The following SAMD11 variants were observed in gnomAD, a reference collection of about 807,000 sequenced individuals.
SAMD11 encodes the protein sterile alpha motif domain-containing protein 11.
Under a neutral mutation model 64.4 loss-of-function variants are expected in SAMD11, and 77 were observed. The ratio of observed to expected loss-of-function variants is 1.20; its 90% confidence interval spans 0.99 to 1.44. The LOEUF (loss-of-function observed/expected upper bound fraction) is 1.44. Ranked by LOEUF, SAMD11 falls within the 40% of genes most tolerant of loss-of-function variation. The pLI, the probability that SAMD11 is intolerant of heterozygous loss-of-function variation, is 0.00. For missense variants in SAMD11, 1,402 were observed against 943.3 expected (o/e 1.49, Z -6.37); for synonymous variants, 658 against 421.9 (o/e 1.56, Z -6.86).
In SAMD11 at chr1:943,987, C is replaced by A. The variant is rs369313181; in HGVS notation, c.2369C>A (p.Ala790Asp). Residue 790 changes from alanine (A) to aspartate (D), a missense_variant, in exon 14 of 14, where the codon GCC (alanine) becomes GAC (aspartate). Ala to Asp is a moderately radical substitution (Grantham distance 126). Transcript: ENST00000616016. ...CCACTGCAGCCACCAACCCTGCGGG[C>A]CCCGGAGCGAGAACTCGGCACAGGA... The part of the protein sequence containing the change: ...ALPLQPPTLR[A>D]PERELGTGEQ... 6 of 1,612,832 alleles carry A rather than the reference C, an allele frequency of 3.7e-6. No individual in the cohort carries two copies. The highest frequency in any genetic ancestry group is 1.1e-5 in the South Asian group (1 of 91,074).
Position 935,979 on chromosome 1 carries a change from T to G in SAMD11, c.967+83T>G. On this transcript the variant is annotated intron_variant, in intron 5 of 13. Transcript: ENST00000616016. ...GCGTCTCCACTCAGCACCAGCAGCC[T>G]TGGCAGGCAGCCAGAGAGGCAGGAG... 1.0e-5 allele frequency: 15 copies of G among 1,449,146 alleles called. 1 individual carries two copies. In the South Asian group the frequency reaches 1.8e-4, roughly 18 times the overall value. The allele number at this position is 1,449,146 out of a possible 1,614,324, so 89.8% of individuals were successfully genotyped here. A position where few individuals can be genotyped will look rare whatever the true frequency, so the allele number is the denominator to read the frequency against.
At chr1:929,632 G>T (rs1641075346) in intron 2 of SAMD11, among the ~76,000 whole-genome samples, 1 of 152,230 alleles carries the variant, frequency 6.6e-6, no homozygotes, top group South Asian at 2.1e-4. Flanking sequence ...GAGGGAACGT[G>T]CGCATTTGAG....
chr1:927,930 A>T (rs1262664010), intron 2 of SAMD11, among the ~76,000 whole-genome samples: 1 of 152,162 alleles, frequency 6.6e-6, no homozygotes, highest in African/African-American at 2.4e-5. Flanking sequence ...GTGTGTCCCC[A>T]CGCCCGACTC....
chr1:925,984 T>G lies in SAMD11; in HGVS notation c.580T>G (p.Cys194Gly), dbSNP rs777981880. Residue 194 changes from cysteine to glycine, a missense_variant, in exon 2 of 14, where the codon TGC becomes GGC. Cys to Gly is a radical substitution (Grantham distance 159). Coordinates refer to ENST00000616016, the MANE Select transcript of SAMD11 (RefSeq NM_001385641.1). ...ILQVHPPICD[C>G]PGCRISSPVN... is the part of the protein sequence containing the mutation. ...GCAGGTGCATCCTCCGATCTGCGAC[T>G]GCCCGGGCTGCCGAATATCCTCCCC... 6.2e-7 allele frequency: 1 copy of G among 1,612,110 alleles called. No homozygotes were observed. The highest frequency in any genetic ancestry group is 8.5e-7 in the Non-Finnish European group (1 of 1,179,954).
chr1:928,128 G>A (rs7410984), intron 2 of SAMD11, among the ~76,000 whole-genome samples: 1 of 151,914 alleles, frequency 6.6e-6, no homozygotes, highest in African/African-American at 2.4e-5. Flanking sequence ...GTGTGGTGGC[G>A]CATGCCTGTA....
rs369972134 is a variant in SAMD11 at position 939,146 on chromosome 1, G to C, written c.1057+17G>C. ...CGCCTCAAGGTAAGAGCGTGGCTGG[G>C]ACGAGAGACAGGTCACCAGGGGAGG... On this transcript the variant is annotated intron_variant, in intron 6 of 13. Transcript: ENST00000616016. 1.2e-4 allele frequency: 195 copies of C among 1,570,694 alleles called. No individual in the cohort carries two copies. The African/African-American group carries it at 2.4e-3, about 19-fold the overall frequency.
intron 8 of SAMD11, among the ~76,000 whole-genome samples, chr1:941,683 C>T (rs934366039): frequency 1.3e-5 from 2 of 152,082 alleles, no homozygotes; most frequent in African/African-American, 4.8e-5. Flanking sequence ...ACAGACAAGG[C>T]CTCCGGCACA....
chr1:936,128 G>C (rs1308775618), intron 5 of SAMD11, among the ~76,000 whole-genome samples: 1 of 152,216 alleles, frequency 6.6e-6, no homozygotes, highest in Admixed American at 6.5e-5. Context: ...TGGAGTAGCC[G>C]GGGCCCTGCC....
intron 4 of SAMD11, among the ~76,000 whole-genome samples, chr1:932,236 G>A (rs1641199992): frequency 6.6e-6 from 1 of 152,320 alleles, no homozygotes. Context: ...TGTCAGCGAG[G>A]CCTGTAGGGA....
Position 941,313 on chromosome 1 carries a change from G to C in SAMD11, c.1358+7G>C, listed in dbSNP as rs1202823832. On this transcript the variant is annotated splice_region_variant and intron_variant, in intron 8 of 13. Transcript: ENST00000616016. ...CCCCGTCCTTCTCGGAGAGGTACTG[G>C]GGTGGCTGCCGTTCTCTGCTTGTTT... The C allele has an allele frequency of 1.3e-6, 2 of 1,555,574 alleles. No homozygotes were observed. The highest frequency in any genetic ancestry group is 2.3e-5 in the East Asian group (1 of 43,330).
In SAMD11 at chr1:942,656, G is replaced by A. The variant is rs1569916188; in HGVS notation, c.1651G>A (p.Ala551Thr). The stretch of plus-strand genomic sequence containing the variant: ...GACCGCCCTGCGCCCCAACGACGGC[G>A]CCGAGGAGCTGCAGCGGCGCGGGGC... Reference protein sequence around the residue: ...PETALRPNDGAEELQRRGALL... With the variant: ...PETALRPNDGTEELQRRGALL... Residue 551 changes from alanine to threonine, a missense_variant, in exon 11 of 14, where the codon GCC (alanine) becomes ACC (threonine). Physicochemically the swap from Ala to Thr is moderately conservative, Grantham distance 58. Coordinates refer to ENST00000616016, the MANE Select transcript of SAMD11 (RefSeq NM_001385641.1). The A allele has an allele frequency of 1.4e-6, 2 of 1,435,174 alleles. No individual in the cohort carries two copies. The highest frequency in any genetic ancestry group is 3.1e-5 in the East Asian group (1 of 32,618). 88.9% of individuals were successfully genotyped at this position (1,435,174 alleles called of 1,614,324 possible).
intron 4 of SAMD11, among the ~76,000 whole-genome samples, chr1:933,599 A>C (rs565780266): frequency 3.0e-4 from 45 of 152,300 alleles, no homozygotes; most frequent in African/African-American, 1.0e-3. Context: ...CTGCCAGGCC[A>C]GCCCTCAGCC....
intron 5 of SAMD11, among the ~76,000 whole-genome samples, chr1:936,133 C>T (rs114994266): frequency 0.03 from 4,540 of 152,302 alleles, 185 homozygotes; most frequent in African/African-American, 0.093. Flanking sequence ...TAGCCGGGGC[C>T]CTGCCACCCC....
intron 5 of SAMD11, among the ~76,000 whole-genome samples, 156 bp from the exon 6 acceptor site, chr1:938,884 G>GTC (rs1641599845): frequency 1.3e-5 from 2 of 152,158 alleles, no homozygotes; most frequent in South Asian, 4.1e-4. Flanking sequence ...CCTCTGCGCT[G>GTC]AAGGCTGGGG....
At chr1:931,392 T>G (rs1028414741) in intron 4 of SAMD11, among the ~76,000 whole-genome samples, 1 of 152,150 alleles carries the variant, frequency 6.6e-6, no homozygotes, top group African/African-American at 2.4e-5. Flanking sequence ...TCCTCCCATG[T>G]GAGACTGGCC....
At chr1:932,029 T>G (rs993366401) in intron 4 of SAMD11, among the ~76,000 whole-genome samples, 5 of 152,214 alleles carry the variant, frequency 3.3e-5, no homozygotes, top group Admixed American at 6.5e-5. Flanking sequence ...CCTGCGTGTC[T>G]TGGCTCCACG....
At position 939,848 on chromosome 1, in the gene SAMD11, G is replaced by A. The variant is rs972106265; in HGVS notation, c.1195+436G>A. On this transcript the variant is annotated intron_variant, in intron 7 of 13. Coordinates refer to ENST00000616016, the MANE Select transcript of SAMD11 (RefSeq NM_001385641.1). Reference sequence around the variant, plus strand: ...GGGAGGGGCAGTGAGCAGAAAGGCCGGGCTGGGTGCAGTGGGCACTTGGCC... The same window carrying A: ...GGGAGGGGCAGTGAGCAGAAAGGCCAGGCTGGGTGCAGTGGGCACTTGGCC... Among the ~76,000 whole-genome samples, 7 of 152,120 alleles carry A rather than the reference G, an allele frequency of 4.6e-5. No individual in the cohort carries two copies. In the South Asian group the frequency reaches 6.2e-4, roughly 13 times the overall value.
At chr1:933,644 A>T (rs1641271749) in intron 4 of SAMD11, among the ~76,000 whole-genome samples, 2 of 152,028 alleles carry the variant, frequency 1.3e-5, no homozygotes, top group Admixed American at 6.5e-5. Flanking sequence ...TCCTCTCCTG[A>T]CACCCCCGCG....
chr1:938,181 C>T (rs1002972105), intron 5 of SAMD11, among the ~76,000 whole-genome samples: 5 of 152,144 alleles, frequency 3.3e-5, no homozygotes, highest in East Asian at 1.9e-4. Context: ...GGAATGGGTG[C>T]GGTCGGCAGG....
Sources: gnomAD v4.1 joint callset for allele counts (sites outside exome capture counted in the v4.1 genomes callset) on GRCh38, gnomAD v4.1.1 for gene constraint, MANE v1.5 for transcripts, NCBI Gene and HGNC (gene_info 2026-07-23, HGNC 2026-07-21) for gene names.